CDIN1: variants seen among roughly 807,000 people sequenced by gnomAD.
The protein encoded by CDIN1 is CDAN1 interacting nuclease 1, also known as CDAN1-interacting nuclease 1.
A neutral mutation model predicts 45.3 loss-of-function variants in CDIN1; 33 were observed. The observed-to-expected ratio is 0.73, with a 90% confidence interval of 0.55 to 0.97. The LOEUF is 0.97. Ranked by LOEUF, CDIN1 falls within the 50% of genes least tolerant of loss-of-function variation. The pLI is 0.00. For missense variants in CDIN1, 303 were observed against 339.4 expected (o/e 0.89, Z 0.84); for synonymous variants, 118 against 124.4 (o/e 0.95, Z 0.34).
chr15:36,774,816 A>C (rs2141035275), intron 10 of CDIN1, among the ~76,000 whole-genome samples: 1 of 152,338 alleles, frequency 6.6e-6, no homozygotes, highest in South Asian at 2.1e-4. Context: ...TCGCATTATT[A>C]AATTTGTGCT....
At chr15:36,712,907 C>A (rs548172345) in intron 10 of CDIN1, among the ~76,000 whole-genome samples, 10 of 152,190 alleles carry the variant, frequency 6.6e-5, no homozygotes, top group Admixed American at 2.6e-4. Context: ...ATAAATATAA[C>A]CCCAAATTAT....
At chr15:36,685,538 C>T (rs908875250) in intron 5 of CDIN1, among the ~76,000 whole-genome samples, 1 of 152,088 alleles carries the variant, frequency 6.6e-6, no homozygotes, top group African/African-American at 2.4e-5. Context: ...GCAATGGCAA[C>T]AAAACACAAA....
intron 10 of CDIN1, among the ~76,000 whole-genome samples, chr15:36,779,694 A>T (rs2141049712): frequency 6.6e-6 from 1 of 152,320 alleles, no homozygotes; most frequent in African/African-American, 2.4e-5. Context: ...CTGAGTTCAG[A>T]TCTTAGCACC....
chr15:36,719,497 T>C (rs2043333738), intron 10 of CDIN1, among the ~76,000 whole-genome samples: 1 of 152,190 alleles, frequency 6.6e-6, no homozygotes, highest in South Asian at 2.1e-4. Context: ...CAATACACTT[T>C]TTATATTTTG....
At chr15:36,641,094 C>T (rs982605332) in intron 1 of CDIN1, 1 of 152,196 alleles carries the variant, frequency 6.6e-6, no homozygotes, top group Admixed American at 6.5e-5. Flanking sequence ...TGGACAATCC[C>T]TCTCAAGTGT....
intron 3 of CDIN1, among the ~76,000 whole-genome samples, chr15:36,646,096 A>G (rs996476562): frequency 1.3e-5 from 2 of 152,212 alleles, no homozygotes; most frequent in African/African-American, 4.8e-5. Context: ...CACATTGGCA[A>G]TGAAAACTGT....
At chr15:36,665,901 A>AG (rs2041230590) in intron 5 of CDIN1, among the ~76,000 whole-genome samples, 1 of 152,176 alleles carries the variant, frequency 6.6e-6, no homozygotes, top group Non-Finnish European at 1.5e-5. Flanking sequence ...TTGATACATA[A>AG]GAAAAACCCT....
intron 1 of CDIN1, among the ~76,000 whole-genome samples, chr15:36,602,699 G>C (rs918805362): frequency 6.6e-6 from 1 of 152,168 alleles, no homozygotes; most frequent in Non-Finnish European, 1.5e-5. Context: ...TGGGCTGGGC[G>C]CAGTGGCTCA....
rs1171795534 is a variant in CDIN1 at position 36,695,727 on chromosome 15, A to G, written c.477-1596A>G. Among the ~76,000 whole-genome samples, 4 of 152,088 alleles carry G rather than the reference A, an allele frequency of 2.6e-5. No homozygotes were observed. In the East Asian group the frequency reaches 7.8e-4, roughly 30 times the overall value. On this transcript the variant is annotated intron_variant, in intron 7 of 10. Coordinates refer to ENST00000566621, the MANE Select transcript of CDIN1 (RefSeq NM_001321759.2). The stretch of plus-strand genomic sequence containing the variant: ...CTGGGCGTGGTCACAGGCACCTGTA[A>G]TTCCAGCTACTCTGGAGGCTGAGGC...
In CDIN1 at chr15:36,770,444, T is replaced by TG. The variant is rs1566962390; in HGVS notation, c.717-37880_717-37879insG. Among the ~76,000 whole-genome samples the TG allele has an allele frequency of 5.3e-3, 776 of 146,042 alleles. 4 individuals are homozygous for TG. The highest frequency in any genetic ancestry group is 0.02 in the African/African-American group (735 of 36,664). On this transcript the variant is annotated intron_variant, in intron 10 of 10. Transcript: ENST00000566621. Reference sequence around the variant, plus strand: ...ATCTCTTTCTGATGATGATGATGATTATTATTATTATTATTATTATTGGAG... The same window carrying TG: ...ATCTCTTTCTGATGATGATGATGATTGATTATTATTATTATTATTATTGGAG...
intron 10 of CDIN1, among the ~76,000 whole-genome samples, chr15:36,723,864 A>G (rs1457688332): frequency 1.3e-5 from 2 of 152,238 alleles, no homozygotes; most frequent in Non-Finnish European, 2.9e-5. Flanking sequence ...AGCGCATACA[A>G]AGGTGAGCAA....
chr15:36,587,556 T>C (rs2140171910), intron 1 of CDIN1, among the ~76,000 whole-genome samples: 1 of 152,280 alleles, frequency 6.6e-6, no homozygotes, highest in South Asian at 2.1e-4. Context: ...GCAGTTTTAC[T>C]TGGCTCTTAT....
intron 1 of CDIN1, among the ~76,000 whole-genome samples, chr15:36,624,294 T>G (rs560915504): frequency 6.6e-6 from 1 of 152,324 alleles, no homozygotes; most frequent in South Asian, 2.1e-4. Context: ...TGAATAACAT[T>G]AAGTGCTGAG....
chr15:36,792,151 C>T (rs979534779), intron 10 of CDIN1, among the ~76,000 whole-genome samples: 1 of 152,180 alleles, frequency 6.6e-6, no homozygotes, highest in African/African-American at 2.4e-5. Flanking sequence ...AACTCCTCTT[C>T]ACATTGACAG....
intron 10 of CDIN1, among the ~76,000 whole-genome samples, chr15:36,711,757 C>G (rs60199479): frequency 6.6e-6 from 1 of 152,068 alleles, no homozygotes; most frequent in East Asian, 1.9e-4. Flanking sequence ...AAGGAGTAAA[C>G]GTCACAGAAG....
chr15:36,580,043 C>A, intron 1 of CDIN1, 82 bp downstream of exon 1: 1 of 1,223,984 alleles, frequency 8.2e-7, no homozygotes, highest in South Asian at 1.4e-5. Context: ...TTAGGAACCA[C>A]GTGTCACACA....
intron 10 of CDIN1, among the ~76,000 whole-genome samples, chr15:36,767,990 T>C (rs1412020490): frequency 6.6e-6 from 1 of 152,212 alleles, no homozygotes; most frequent in Non-Finnish European, 1.5e-5. Context: ...AAGAGAGGGC[T>C]GTTTCTGACC....
intron 10 of CDIN1, among the ~76,000 whole-genome samples, chr15:36,804,963 C>G (rs549050077): frequency 6.6e-6 from 1 of 152,152 alleles, no homozygotes; most frequent in East Asian, 1.9e-4. Flanking sequence ...GTGTGAGTCA[C>G]TGTCCCCAGC....
intron 1 of CDIN1, chr15:36,614,042 T>C: frequency 8.6e-7 from 1 of 1,157,212 alleles, no homozygotes; most frequent in African/African-American, 1.5e-5. Context: ...GAGATCAAGA[T>C]TCTACTGATA....
Sources: gnomAD v4.1 joint callset for allele counts (sites outside exome capture counted in the v4.1 genomes callset) on GRCh38, gnomAD v4.1.1 for gene constraint, MANE v1.5 for transcripts, NCBI Gene and HGNC (gene_info 2026-07-23, HGNC 2026-07-21) for gene names.